Variants in DEK observed in about 807,000 individuals in gnomAD.
DEK encodes the protein DEK proto-oncogene, also known as protein DEK.
DEK carries 28 observed loss-of-function variants against 46.8 expected under a neutral mutation model. The ratio of observed to expected loss-of-function variants is 0.60; its 90% CI spans 0.44 to 0.82. The LOEUF is 0.82. DEK is among the 40% of genes least tolerant of loss of function. DEK has a pLI of 0.00. For missense variants in DEK, 416 were observed against 430.6 expected, an observed-to-expected ratio of 0.97 and a Z score of 0.30; for synonymous variants, 160 against 144.5, an observed-to-expected ratio of 1.11 and a Z score of -0.77.
intron 9 of DEK, among the ~76,000 whole-genome samples, chr6:18,230,248 C>A (rs989671845): frequency 6.6e-6 from 1 of 152,128 alleles, no homozygotes; most frequent in South Asian, 2.1e-4. Flanking sequence ...TGGAAAGGAA[C>A]AACCGGTACC....
chr6:18,229,562 C>T (rs181770255), intron 9 of DEK, among the ~76,000 whole-genome samples: 153 of 152,206 alleles, frequency 1.0e-3, no homozygotes, highest in South Asian at 5.4e-3. Context: ...AACCATGGCA[C>T]GAGAACTACG....
intron 6 of DEK, among the ~76,000 whole-genome samples, chr6:18,250,489 A>C (rs376216523): frequency 1.3e-5 from 2 of 152,166 alleles, no homozygotes; most frequent in African/African-American, 4.8e-5. Flanking sequence ...AAAAAGCAAA[A>C]AACAAAAAAC....
At chr6:18,236,661 T>C (rs1790663272) in intron 8 of DEK, 61 bp from the exon 9 acceptor site, 1 of 1,192,968 alleles carries the variant, frequency 8.4e-7, no homozygotes, top group Non-Finnish European at 1.1e-6. Flanking sequence ...TAACAAAGGC[T>C]GAGATGAATT....
intron 7 of DEK, among the ~76,000 whole-genome samples, chr6:18,248,698 A>G (rs1442977675): frequency 6.6e-6 from 1 of 152,352 alleles, no homozygotes; most frequent in South Asian, 2.1e-4. Context: ...CACATATCAT[A>G]TAATACCAGA....
At chr6:18,242,664 T>G (rs557916078) in intron 7 of DEK, among the ~76,000 whole-genome samples, 1 of 152,158 alleles carries the variant, frequency 6.6e-6, no homozygotes, top group Non-Finnish European at 1.5e-5. Flanking sequence ...CTATCAACTG[T>G]TGCAGTATCA....
At chr6:18,228,870 C>T (rs535526545) in intron 9 of DEK, among the ~76,000 whole-genome samples, 22 of 152,324 alleles carry the variant, frequency 1.4e-4, no homozygotes, top group Middle Eastern at 6.8e-3. Context: ...AACAAAGCTG[C>T]GAGGAAGCTC....
chr6:18,249,753 G>T lies in DEK; in HGVS notation c.660C>A (p.Thr220=). Residue 220 remains threonine (T), a synonymous_variant, in exon 7 of 11, where the codon ACC becomes ACA. Transcript: ENST00000652689. ...CATCTGACAGAATTTCAGGACATTT[G>T]GTTCGCTTAGCCTTCCTTGCCATTC... ...SSGMARKAKR[T]KCPEILSDES... is the part of the protein sequence containing the mutation. 1 of 1,613,198 alleles carries T rather than the reference G, an allele frequency of 6.2e-7. No individual in the cohort carries two copies. Among genetic ancestry groups the T allele is most frequent in the Non-Finnish European group, 8.5e-7 (1 of 1,179,792 alleles).
intron 2 of DEK, among the ~76,000 whole-genome samples, chr6:18,261,833 C>T (rs776203456): frequency 1.3e-5 from 2 of 152,088 alleles, no homozygotes; most frequent in African/African-American, 2.4e-5. Flanking sequence ...GAAACAAGAC[C>T]GGACTTTGGG....
intron 7 of DEK, among the ~76,000 whole-genome samples, chr6:18,238,959 C>T (rs1790786059): frequency 6.6e-6 from 1 of 151,972 alleles, no homozygotes; most frequent in African/African-American, 2.4e-5. Flanking sequence ...GCTCTTGTTG[C>T]CCAGGCAGGA....
chr6:18,232,465 CCAT>C (rs1299176774), intron 9 of DEK, among the ~76,000 whole-genome samples: 1 of 152,104 alleles, frequency 6.6e-6, no homozygotes, highest in Non-Finnish European at 1.5e-5. Flanking sequence ...TTAGAAAACC[CCAT>C]CGTCTCAGCC....
At chr6:18,242,334 C>G (rs1454510260) in intron 7 of DEK, among the ~76,000 whole-genome samples, 1 of 152,166 alleles carries the variant, frequency 6.6e-6, no homozygotes, top group Non-Finnish European at 1.5e-5. Context: ...TGTACCCCAG[C>G]CTGGGCAACA....
At chr6:18,234,430 T>C (rs566177741) in intron 9 of DEK, among the ~76,000 whole-genome samples, 2 of 152,188 alleles carry the variant, frequency 1.3e-5, no homozygotes, top group Non-Finnish European at 2.9e-5. Flanking sequence ...CATTTTTCTA[T>C]GGTTAAGCCC....
intron 9 of DEK, among the ~76,000 whole-genome samples, chr6:18,229,681 AAG>A (rs1790318582): frequency 6.6e-6 from 1 of 152,188 alleles, no homozygotes; most frequent in Admixed American, 6.5e-5. Context: ...CTGGAGAAAA[AAG>A]AGTAAAAAGA....
At position 18,236,439 on chromosome 6, in the gene DEK, T is replaced by C. The variant is rs1256368467; in HGVS notation, c.1047+13A>G. The C allele has an allele frequency of 6.2e-7, 1 of 1,607,126 alleles. No individual in the cohort carries two copies. Among genetic ancestry groups the C allele is most frequent in the Admixed American group, 1.7e-5 (1 of 58,776 alleles). On this transcript the variant is annotated intron_variant, in intron 9 of 10. Coordinates refer to ENST00000652689, the MANE Select transcript of DEK (RefSeq NM_003472.4). Reference sequence around the variant, plus strand: ...TAGCAAAAGCAAAATAATCTAAACATTTGTCTAATTACCTTTTTGCAAATC... The same window carrying C: ...TAGCAAAAGCAAAATAATCTAAACACTTGTCTAATTACCTTTTTGCAAATC...
intron 9 of DEK, among the ~76,000 whole-genome samples, chr6:18,232,837 G>T (rs1389544720): frequency 1.3e-5 from 2 of 152,098 alleles, no homozygotes; most frequent in East Asian, 3.8e-4. Flanking sequence ...TTTCTTCATA[G>T]AACTGGAAAA....
At chr6:18,259,536 CTA>C (rs1323123779) in intron 2 of DEK, among the ~76,000 whole-genome samples, 3 of 148,358 alleles carry the variant, frequency 2.0e-5, no homozygotes, top group Non-Finnish European at 4.4e-5. Context: ...TAAAAGAATA[CTA>C]TATACTGCTC....
intron 2 of DEK, among the ~76,000 whole-genome samples, chr6:18,263,177 G>T (rs980892850): frequency 6.6e-6 from 1 of 152,166 alleles, no homozygotes; most frequent in Non-Finnish European, 1.5e-5. Context: ...CACACCTCCA[G>T]TCAAATCAGG....
intron 10 of DEK, 139 bp from the exon 11 acceptor site, chr6:18,225,869 C>T: frequency 9.5e-7 from 1 of 1,049,940 alleles, no homozygotes; most frequent in Non-Finnish European, 1.4e-6. Context: ...ATCTTCCCCT[C>T]ACCTTTGCCT....
intron 7 of DEK, among the ~76,000 whole-genome samples, chr6:18,247,516 G>A (rs1429860726): frequency 1.3e-5 from 2 of 152,134 alleles, no homozygotes; most frequent in Admixed American, 1.3e-4. Flanking sequence ...AGAAGGTAAA[G>A]GTTTGATTTA....
Sources: allele counts gnomAD v4.1 joint callset (sites outside exome capture counted in the v4.1 genomes callset), GRCh38; gene constraint gnomAD v4.1.1; transcripts MANE v1.5; gene names NCBI Gene and HGNC (gene_info 2026-07-23, HGNC 2026-07-21).